QTRT2: variants seen among roughly 807,000 people sequenced by gnomAD.
QTRT2 encodes the protein queuine tRNA-ribosyltransferase accessory subunit 2, also known as queuine tRNA-ribosyltransferase domain containing 1.
A neutral mutation model predicts 44.8 loss-of-function variants in QTRT2; 32 were observed. The ratio of observed to expected loss-of-function variants is 0.71; its 90% confidence interval spans 0.54 to 0.96. The LOEUF (loss-of-function observed/expected upper bound fraction) is 0.96. Ranked by LOEUF, QTRT2 falls within the 40% of genes least tolerant of loss-of-function variation. The pLI is 0.00. For missense variants in QTRT2, 461 were observed against 503.1 expected, an observed-to-expected ratio of 0.92 and a Z score of 0.80; for synonymous variants, 182 against 187.4, an observed-to-expected ratio of 0.97 and a Z score of 0.24.
chr3:114,058,638 T>G (rs1053316400), intron 2 of QTRT2, among the ~76,000 whole-genome samples: 1 of 152,190 alleles, frequency 6.6e-6, no homozygotes, highest in Non-Finnish European at 1.5e-5. Context: ...GTTCAAGTGA[T>G]TCTCCTGTCT....
At position 114,067,968 on chromosome 3, in the gene QTRT2, C is replaced by T; in HGVS notation, c.257-19C>T. On this transcript the variant is annotated intron_variant, in intron 4 of 9. Transcript: ENST00000281273. ...GTTGATGTAAGCACTTTCAAGGGTTCTTTTTTGTGTTTATACAGGCATGCC... is the reference window on the plus strand; with the variant it reads ...GTTGATGTAAGCACTTTCAAGGGTTTTTTTTTGTGTTTATACAGGCATGCC... 1 of 1,612,386 alleles carries T rather than the reference C, an allele frequency of 6.2e-7. No homozygotes were observed.
intron 6 of QTRT2, 107 bp downstream of exon 6, chr3:114,070,945 CTTT>C: frequency 1.3e-6 from 1 of 796,516 alleles, no homozygotes; most frequent in Non-Finnish European, 2.0e-6. Flanking sequence ...CTCCTCACTT[CTTT>C]GTCTATTTTA....
At chr3:114,068,222 G>A in intron 5 of QTRT2, 159 bp downstream of exon 5, 1 of 606,258 alleles carries the variant, frequency 1.6e-6, no homozygotes, top group Middle Eastern at 4.5e-4. Flanking sequence ...ATAAGACTTA[G>A]AGTAGGGCTG....
At chr3:114,065,120 G>A (rs2076934529) in intron 2 of QTRT2, 117 bp from the exon 3 acceptor site, 3 of 671,770 alleles carry the variant, frequency 4.5e-6, no homozygotes, top group Non-Finnish European at 7.8e-6. Flanking sequence ...TATTTAGACT[G>A]GAAGCAGTAA....
intron 9 of QTRT2, among the ~76,000 whole-genome samples, chr3:114,085,014 C>T (rs565251854): frequency 6.6e-6 from 1 of 152,152 alleles, no homozygotes; most frequent in Non-Finnish European, 1.5e-5. Flanking sequence ...GTGTCACTCA[C>T]TTCTCTCCTA....
At chr3:114,065,695 A>G (rs1241829505) in intron 3 of QTRT2, among the ~76,000 whole-genome samples, 1 of 152,160 alleles carries the variant, frequency 6.6e-6, no homozygotes, top group African/African-American at 2.4e-5. Flanking sequence ...CCATACTGCC[A>G]TGTCGCCACT....
Position 114,080,032 on chromosome 3 carries a change from T to C in QTRT2, c.873T>C (p.Asp291=). The C allele has an allele frequency of 6.2e-7, 1 of 1,611,174 alleles. No individual in the cohort carries two copies. Residue 291 remains aspartate, a synonymous_variant, in exon 8 of 10, where the codon GAT becomes GAC. Coordinates refer to ENST00000281273, the MANE Select transcript of QTRT2 (RefSeq NM_024638.4). ...GATGTGCCCTGACTTTCAGTTTTGA[T>C]TACCAGCCGAATCCTGAAGAGACAC... The part of the protein sequence containing the change: ...ERGCALTFSF[D]YQPNPEETLL...
rs758605715 is a variant in QTRT2 at position 114,070,618 on chromosome 3, C to T, written c.334-8C>T. On this transcript the variant is annotated splice_region_variant and splice_polypyrimidine_tract_variant and intron_variant, in intron 5 of 9. Coordinates refer to ENST00000281273, the MANE Select transcript of QTRT2 (RefSeq NM_024638.4). ...TTGCTAATTCCTCATCATTTTGCTC[C>T]ATGGCAGTCTGTGTCTGTGTGGAGT... 1 of 1,612,588 alleles carries T rather than the reference C, an allele frequency of 6.2e-7. No homozygotes were observed. Among genetic ancestry groups the T allele is most frequent in the Non-Finnish European group, 8.5e-7 (1 of 1,178,814 alleles).
At chr3:114,067,460 C>T (rs2076969383) in intron 4 of QTRT2, among the ~76,000 whole-genome samples, 2 of 152,070 alleles carry the variant, frequency 1.3e-5, no homozygotes, top group Non-Finnish European at 2.9e-5. Context: ...GACTGAAGAA[C>T]TTAAGAAACT....
intron 5 of QTRT2, among the ~76,000 whole-genome samples, chr3:114,068,908 G>T (rs751089472): frequency 6.6e-6 from 1 of 152,152 alleles, no homozygotes; most frequent in South Asian, 2.1e-4. Context: ...AATTAGCCAG[G>T]TGTGGTGGCA....
chr3:114,081,395 G>A (rs991492768), intron 8 of QTRT2, among the ~76,000 whole-genome samples: 2 of 152,140 alleles, frequency 1.3e-5, no homozygotes, highest in Admixed American at 1.3e-4. Context: ...TGTTGCCCAG[G>A]CTGGAGTGTA....
intron 8 of QTRT2, among the ~76,000 whole-genome samples, chr3:114,081,473 G>A (rs1577547451): frequency 2.0e-5 from 3 of 152,130 alleles, no homozygotes; most frequent in Admixed American, 6.5e-5. Flanking sequence ...GAGTTGTGAT[G>A]AAAATTATAA....
chr3:114,069,033 G>A (rs1274759224), intron 5 of QTRT2, among the ~76,000 whole-genome samples: 1 of 149,362 alleles, frequency 6.7e-6, no homozygotes, highest in African/African-American at 2.5e-5. Context: ...TAGCCTGGGT[G>A]ATAGAGCGAG....
In QTRT2 at chr3:114,085,637, G is replaced by T. The variant is rs180880126; in HGVS notation, c.1017-36G>T. 7.7e-6 allele frequency: 12 copies of T among 1,549,976 alleles called. No homozygotes were observed. The Admixed American group carries it at 1.8e-4, about 24-fold the overall frequency. ...TGAGGTTGTGGATTTCTTGTATTCCGTACTTTCTGGAATGTCACTGTGACT... is the reference window on the plus strand; with the variant it reads ...TGAGGTTGTGGATTTCTTGTATTCCTTACTTTCTGGAATGTCACTGTGACT... On this transcript the variant is annotated intron_variant, in intron 9 of 9. Transcript: ENST00000281273.
At chr3:114,058,575 C>T (rs1177200810) in intron 2 of QTRT2, among the ~76,000 whole-genome samples, 3 of 152,142 alleles carry the variant, frequency 2.0e-5, no homozygotes, top group Non-Finnish European at 4.4e-5. Flanking sequence ...CTTTGTTACC[C>T]AGGCTGGACT....
intron 8 of QTRT2, among the ~76,000 whole-genome samples, chr3:114,082,250 A>ACG (rs1334426406): frequency 1.4e-4 from 16 of 115,282 alleles, no homozygotes; most frequent in African/African-American, 4.9e-4. Flanking sequence ...ACACACACAC[A>ACG]CACGCAACCA....
At position 114,086,025 on chromosome 3, in the gene QTRT2, T is replaced by A. The variant is rs2077232843; in HGVS notation, c.*121T>A. 1 of 803,586 alleles carries A rather than the reference T, an allele frequency of 1.2e-6. No individual in the cohort carries two copies. The highest frequency in any genetic ancestry group is 2.0e-6 in the Non-Finnish European group (1 of 503,098). The allele number at this position is 803,586 out of a possible 1,614,324, so 49.8% of individuals were successfully genotyped here. On this transcript the variant is annotated 3_prime_UTR_variant, in exon 10 of 10. Transcript: ENST00000281273. The stretch of plus-strand genomic sequence containing the variant: ...TTTATATTTGGATATAAGGTCTGCT[T>A]AAATAAAGAATCTTTGTACCAAACT...
chr3:114,084,508 G>A (rs963270290), intron 9 of QTRT2, among the ~76,000 whole-genome samples: 10 of 152,052 alleles, frequency 6.6e-5, no homozygotes, highest in Non-Finnish European at 1.5e-5. Flanking sequence ...CTTGAGCCCA[G>A]GAGTCCGAGG....
chr3:114,081,563 G>A (rs1197084617), intron 8 of QTRT2, among the ~76,000 whole-genome samples: 2 of 152,022 alleles, frequency 1.3e-5, no homozygotes, highest in African/African-American at 4.8e-5. Flanking sequence ...TCAGCCTCCC[G>A]AGTAGCTGGG....
Sources: gnomAD v4.1 joint callset for allele counts (sites outside exome capture counted in the v4.1 genomes callset) on GRCh38, gnomAD v4.1.1 for gene constraint, MANE v1.5 for transcripts, NCBI Gene and HGNC (gene_info 2026-07-23, HGNC 2026-07-21) for gene names.